CSMD1: variants seen among roughly 807,000 people sequenced by gnomAD.
CSMD1 encodes the protein CUB and sushi domain-containing protein 1.
CSMD1 carries 213 observed loss-of-function variants against 417.5 expected under a neutral mutation model. That is an observed-to-expected ratio of 0.51 (90% CI 0.46 to 0.57). The LOEUF (loss-of-function observed/expected upper bound fraction) is 0.57, where lower values mean the gene tolerates loss of function less well. Ranked by LOEUF, CSMD1 falls within the 20% of genes least tolerant of loss-of-function variation. The pLI is 0.00. For missense variants in CSMD1, 6,923 were observed against 4,529.7 expected (o/e 1.53, Z -15.17); for synonymous variants, 2,862 against 1,736.8 (o/e 1.65, Z -16.11).
chr8:3,595,535 T>C (rs1337270930), intron 8 of CSMD1, among the ~76,000 whole-genome samples: 1 of 152,180 alleles, frequency 6.6e-6, no homozygotes, highest in Non-Finnish European at 1.5e-5. Context: ...TATGTGATTT[T>C]TAGATACTGT....
chr8:4,017,683 C>G (rs999320658), intron 4 of CSMD1, among the ~76,000 whole-genome samples: 1 of 151,934 alleles, frequency 6.6e-6, no homozygotes, highest in African/African-American at 2.4e-5. Flanking sequence ...TCAAATTCGA[C>G]TTCAAAAACT....
intron 5 of CSMD1, among the ~76,000 whole-genome samples, chr8:3,896,182 G>A (rs533226651): frequency 1.3e-5 from 2 of 152,128 alleles, no homozygotes. Flanking sequence ...ACAAAAACAT[G>A]ATCTAGAGCC....
intron 10 of CSMD1, among the ~76,000 whole-genome samples, chr8:3,508,065 G>T (rs1371866320): frequency 1.3e-5 from 2 of 152,062 alleles, no homozygotes; most frequent in African/African-American, 2.4e-5. Flanking sequence ...TGGTGTTTTA[G>T]ACATGAGGTC....
chr8:3,258,458 G>A (rs1461433703), intron 26 of CSMD1, among the ~76,000 whole-genome samples: 4 of 152,166 alleles, frequency 2.6e-5, no homozygotes, highest in Admixed American at 6.5e-5. Flanking sequence ...TGCTGGTGAG[G>A]TTGTGGAGAG....
chr8:3,516,122 A>C (rs1054596429), intron 10 of CSMD1, among the ~76,000 whole-genome samples: 1 of 152,216 alleles, frequency 6.6e-6, no homozygotes, highest in Non-Finnish European at 1.5e-5. Context: ...CAGAAAGAGG[A>C]GGAACAGAAT....
intron 3 of CSMD1, among the ~76,000 whole-genome samples, chr8:4,119,511 G>C (rs978517950): frequency 7.9e-5 from 12 of 152,166 alleles, no homozygotes; most frequent in Admixed American, 5.2e-4. Flanking sequence ...CCTGGTATTT[G>C]TAGGTGGGGT....
intron 3 of CSMD1, among the ~76,000 whole-genome samples, chr8:4,283,079 A>G (rs1796877334): frequency 1.3e-5 from 2 of 152,198 alleles, no homozygotes; most frequent in African/African-American, 4.8e-5. Context: ...TTTTAAGGTC[A>G]ACATCCTGTT....
intron 2 of CSMD1, among the ~76,000 whole-genome samples, chr8:4,622,051 A>G (rs1045540447): frequency 6.6e-6 from 1 of 152,128 alleles, no homozygotes; most frequent in Non-Finnish European, 1.5e-5. Context: ...CATTTGTGAA[A>G]AATCTACAAG....
intron 6 of CSMD1, among the ~76,000 whole-genome samples, chr8:3,723,932 T>G (rs1010199007): frequency 3.3e-5 from 5 of 152,180 alleles, no homozygotes; most frequent in African/African-American, 1.2e-4. Flanking sequence ...ATTTTGTAGC[T>G]AACTTTTAAG....
Position 4,876,609 on chromosome 8 carries a change from G to A in CSMD1, c.85+117723C>T, listed in dbSNP as rs147283312. On this transcript the variant is annotated intron_variant, in intron 1 of 69. Coordinates refer to ENST00000635120, the MANE Select transcript of CSMD1 (RefSeq NM_033225.6). ...AATATAGCCTTTTTTTGTAAACTTA[G>A]CACATCAGTTCACAATAGGTTATTT... Among the ~76,000 whole-genome samples the A allele has an allele frequency of 7.0e-4, 106 of 152,062 alleles. 1 individual carries two copies. The highest frequency in any genetic ancestry group is 2.4e-3 in the African/African-American group (101 of 41,442).
intron 52 of CSMD1, among the ~76,000 whole-genome samples, chr8:3,014,011 C>T (rs1808631039): frequency 6.6e-6 from 1 of 152,160 alleles, no homozygotes; most frequent in African/African-American, 2.4e-5. Flanking sequence ...ACACTATGAA[C>T]TCAGAATTTC....
chr8:3,861,145 T>C (rs986316612), intron 5 of CSMD1, among the ~76,000 whole-genome samples: 2 of 152,180 alleles, frequency 1.3e-5, no homozygotes, highest in African/African-American at 4.8e-5. Flanking sequence ...AACACACCTT[T>C]AACACACTGT....
chr8:3,425,088 T>C (rs1025688646), intron 12 of CSMD1, among the ~76,000 whole-genome samples: 3 of 152,186 alleles, frequency 2.0e-5, no homozygotes, highest in Admixed American at 6.5e-5. Context: ...AATCCTCCTG[T>C]CCCAGCATCC....
intron 6 of CSMD1, among the ~76,000 whole-genome samples, chr8:3,710,528 G>A (rs1339743010): frequency 1.3e-5 from 2 of 152,122 alleles, no homozygotes; most frequent in African/African-American, 2.4e-5. Flanking sequence ...GGGCTTAGGT[G>A]GACAATTGCC....
intron 2 of CSMD1, among the ~76,000 whole-genome samples, 170 bp downstream of exon 2, chr8:4,637,172 G>C (rs1252447009): frequency 2.0e-5 from 3 of 151,918 alleles, no homozygotes; most frequent in Admixed American, 2.0e-4. Flanking sequence ...TTAAGAGCTG[G>C]AAAACTCACC....
chr8:4,013,298 T>G (rs1585131748), intron 4 of CSMD1, among the ~76,000 whole-genome samples: 1 of 152,154 alleles, frequency 6.6e-6, no homozygotes, highest in East Asian at 1.9e-4. Context: ...ACACTGCCGT[T>G]GCTCTATTCT....
rs373622963 is a variant in CSMD1 at position 4,216,656 on chromosome 8, T to C, written c.416-184557A>G. 7.2e-5 allele frequency among the ~76,000 whole-genome samples: 11 copies of C among 152,260 alleles called. No homozygotes were observed. The East Asian group carries it at 1.7e-3, about 24-fold the overall frequency. On this transcript the variant is annotated intron_variant, in intron 3 of 69. Coordinates refer to ENST00000635120, the MANE Select transcript of CSMD1 (RefSeq NM_033225.6). ...TCACAGCCCTGTGTTCTTTCGTAAATGACTGAGTGAAGGGAAGCTTCTCAT... is the reference window on the plus strand; with the variant it reads ...TCACAGCCCTGTGTTCTTTCGTAAACGACTGAGTGAAGGGAAGCTTCTCAT...
At chr8:4,060,633 G>C (rs1386399836) in intron 3 of CSMD1, among the ~76,000 whole-genome samples, 5 of 152,164 alleles carry the variant, frequency 3.3e-5, no homozygotes, top group African/African-American at 1.2e-4. Flanking sequence ...GGGGCTACTG[G>C]AGGAGGATCT....
At chr8:3,792,932 G>T (rs1021355935) in intron 5 of CSMD1, among the ~76,000 whole-genome samples, 3 of 152,122 alleles carry the variant, frequency 2.0e-5, no homozygotes, top group Non-Finnish European at 2.9e-5. Context: ...TTTTCCTTTG[G>T]TATTTTCAGA....
Sources: gnomAD v4.1 joint callset for allele counts (sites outside exome capture counted in the v4.1 genomes callset) on GRCh38, gnomAD v4.1.1 for gene constraint, MANE v1.5 for transcripts, NCBI Gene and HGNC (gene_info 2026-07-23, HGNC 2026-07-21) for gene names.